Variants in KLHDC4 observed in about 807,000 individuals in gnomAD.
The protein encoded by KLHDC4 is kelch domain containing 4, also known as kelch domain-containing protein 4.
Under a neutral mutation model 62.4 loss-of-function variants are expected in KLHDC4, and 90 were observed. The ratio of observed to expected loss-of-function variants is 1.44; its 90% CI spans 1.22 to 1.72. The LOEUF is 1.72. KLHDC4 is among the 40% of genes most tolerant of loss of function. The probability of loss-of-function intolerance (pLI) is 0.00; values close to 1 mark genes in which losing one functional copy is unlikely to be tolerated. For missense variants in KLHDC4, 1,025 were observed against 699.7 expected, an observed-to-expected ratio of 1.47 and a Z score of -5.25; for synonymous variants, 386 against 284.4, an observed-to-expected ratio of 1.36 and a Z score of -3.59.
chr16:87,706,184 G>A (rs550528142), downstream of KLHDC4, among the ~76,000 whole-genome samples: 1 of 124,722 alleles, frequency 8.0e-6, no homozygotes, highest in African/African-American at 3.0e-5. Flanking sequence ...CAGCCCTCGG[G>A]GGGGGGTCAG....
rs1269061990 is a variant in KLHDC4 at position 87,714,489 on chromosome 16, C to T, written c.835+9G>A. 1 of 1,614,080 alleles carries T rather than the reference C, an allele frequency of 6.2e-7. No homozygotes were observed. Among genetic ancestry groups the T allele is most frequent in the Admixed American group, 1.7e-5 (1 of 60,026 alleles). ...GCCAGCTCCCGCCCTGGAGGCACAG[C>T]ACCTCTACCTTCTCTTCCGTCCTCT... On this transcript the variant is annotated intron_variant, in intron 8 of 11. Coordinates refer to ENST00000270583, the MANE Select transcript of KLHDC4 (RefSeq NM_017566.4).
At chr16:87,731,152 C>A (rs531827189) in intron 5 of KLHDC4, 2 of 140,692 alleles carry the variant, frequency 1.4e-5, no homozygotes, top group East Asian at 4.6e-4. Context: ...CAACCTTCGC[C>A]TCCAAAGTTC....
At chr16:87,745,913 A>G (rs1175631386) in intron 5 of KLHDC4, among the ~76,000 whole-genome samples, 1 of 152,176 alleles carries the variant, frequency 6.6e-6, no homozygotes, top group East Asian at 1.9e-4. Flanking sequence ...GCATCTCCCA[A>G]TCACAAATAC....
At position 87,714,578 on chromosome 16, in the gene KLHDC4, A is replaced by T. The variant is rs2036557371; in HGVS notation, c.760-5T>A. 7.4e-6 allele frequency: 12 copies of T among 1,613,952 alleles called. No homozygotes were observed. The highest frequency in any genetic ancestry group is 1.0e-5 in the Non-Finnish European group (12 of 1,179,968). On this transcript the variant is annotated splice_region_variant and splice_polypyrimidine_tract_variant and intron_variant, in intron 7 of 11. Transcript: ENST00000270583. The stretch of plus-strand genomic sequence containing the variant: ...GTCCACGTCTTTCTTAACTCTCTGC[A>T]ATGGAAAGGAATTGTGTGAGAACCG...
intron 2 of KLHDC4, among the ~76,000 whole-genome samples, chr16:87,758,985 G>C (rs988154284): frequency 2.0e-5 from 3 of 152,076 alleles, no homozygotes; most frequent in Non-Finnish European, 2.9e-5. Context: ...AGACCAGTCT[G>C]GCCAGCATGA....
chr16:87,705,552 G>A (rs1290621513), downstream of KLHDC4, among the ~76,000 whole-genome samples: 5 of 152,258 alleles, frequency 3.3e-5, no homozygotes, highest in African/African-American at 1.2e-4. Context: ...CTTCCTCAGG[G>A]CTGCTGTCAT....
At chr16:87,731,229 G>A (rs1483570005) in intron 5 of KLHDC4, among the ~76,000 whole-genome samples, 1 of 151,452 alleles carries the variant, frequency 6.6e-6, no homozygotes, top group Non-Finnish European at 1.5e-5. Context: ...ACACCTGGCT[G>A]ATTTTTTGTA....
chr16:87,745,651 C>T (rs749468501), intron 5 of KLHDC4, among the ~76,000 whole-genome samples: 33 of 152,288 alleles, frequency 2.2e-4, no homozygotes, highest in South Asian at 4.1e-4. Context: ...GCAAGAGAAG[C>T]GTTCACTCGC....
intron 4 of KLHDC4, among the ~76,000 whole-genome samples, chr16:87,754,578 T>G (rs1055204928): frequency 2.6e-5 from 4 of 152,226 alleles, no homozygotes; most frequent in Non-Finnish European, 5.9e-5. Flanking sequence ...TTGATCTTTC[T>G]CTGCACTGGA....
chr16:87,758,813 T>C (rs1237888801), intron 2 of KLHDC4, among the ~76,000 whole-genome samples: 2 of 152,242 alleles, frequency 1.3e-5, no homozygotes, highest in Admixed American at 6.5e-5. Flanking sequence ...ATGTTGCAAC[T>C]GGTTAGTGCT....
chr16:87,718,811 G>C (rs890066041), intron 7 of KLHDC4, among the ~76,000 whole-genome samples: 11 of 151,618 alleles, frequency 7.3e-5, no homozygotes, highest in Non-Finnish European at 1.6e-4. Context: ...CATCGTCTGA[G>C]ATGTGGGGAG....
chr16:87,752,977 C>G (rs1045985450), intron 4 of KLHDC4, among the ~76,000 whole-genome samples: 3 of 152,204 alleles, frequency 2.0e-5, no homozygotes, highest in Non-Finnish European at 4.4e-5. Context: ...AACCTGAGAG[C>G]CAGGAAACAC....
At chr16:87,705,692 C>T (rs1364348953), downstream of KLHDC4, among the ~76,000 whole-genome samples, 1 of 152,254 alleles carries the variant, frequency 6.6e-6, no homozygotes, top group East Asian at 1.9e-4. Flanking sequence ...CAAGATATTT[C>T]CTCTTCTTCC....
chr16:87,731,918 C>T (rs915767826), intron 5 of KLHDC4, among the ~76,000 whole-genome samples: 3 of 152,118 alleles, frequency 2.0e-5, no homozygotes, highest in Non-Finnish European at 4.4e-5. Context: ...AAAAACATCT[C>T]GCTGAAGGAA....
chr16:87,747,369 G>A (rs2043193402), intron 5 of KLHDC4, among the ~76,000 whole-genome samples: 1 of 152,290 alleles, frequency 6.6e-6, no homozygotes, highest in African/African-American at 2.4e-5. Context: ...AGTAACAAGC[G>A]GGCTCCAAAA....
intron 7 of KLHDC4, among the ~76,000 whole-genome samples, chr16:87,716,983 G>A (rs2037134159): frequency 6.6e-6 from 1 of 151,892 alleles, no homozygotes; most frequent in Admixed American, 6.6e-5. Context: ...TGTAATCCCA[G>A]CACTTTGAGA....
chr16:87,700,292 C>T (rs1198069318), exon 1 of KLHDC4: 1 of 154,880 alleles, frequency 6.5e-6, no homozygotes, highest in African/African-American at 2.4e-5. Context: ...TCAGTCGTCG[C>T]CTTCCATAGC....
chr16:87,720,855 C>T (rs370805936), intron 7 of KLHDC4, among the ~76,000 whole-genome samples: 3 of 152,246 alleles, frequency 2.0e-5, no homozygotes, highest in African/African-American at 7.2e-5. Context: ...ACTGCTGTCG[C>T]GATGGTTTCT....
intron 8 of KLHDC4, among the ~76,000 whole-genome samples, chr16:87,711,859 C>A (rs1020659178): frequency 1.4e-5 from 2 of 138,146 alleles, no homozygotes; most frequent in African/African-American, 5.2e-5. Context: ...CCCCCTTGGG[C>A]CTGCACGGGG....
Sources: allele counts gnomAD v4.1 joint callset (sites outside exome capture counted in the v4.1 genomes callset), GRCh38; gene constraint gnomAD v4.1.1; transcripts MANE v1.5; gene names NCBI Gene and HGNC (gene_info 2026-07-23, HGNC 2026-07-21).